Variants in OCIAD1 observed in about 807,000 individuals in gnomAD.
OCIAD1 encodes the protein OCIA domain containing 1.
Under a neutral mutation model 38.9 loss-of-function variants are expected in OCIAD1, and 29 were observed. The observed-to-expected ratio is 0.74, with a 90% CI of 0.55 to 1.02. The LOEUF is 1.02. Ranked by LOEUF, OCIAD1 falls within the 50% of genes least tolerant of loss-of-function variation. OCIAD1 has a pLI of 0.00. For missense variants in OCIAD1, 288 were observed against 289.6 expected (o/e 0.99, Z 0.04); for synonymous variants, 110 against 92.0 (o/e 1.20, Z -1.12).
intron 1 of OCIAD1, among the ~76,000 whole-genome samples, chr4:48,812,433 A>C (rs1292870641): frequency 6.6e-6 from 1 of 151,736 alleles, no homozygotes; most frequent in Non-Finnish European, 1.5e-5. Flanking sequence ...GTCAAAGTGC[A>C]CCCCAAAATT....
intron 1 of OCIAD1, among the ~76,000 whole-genome samples, chr4:48,820,397 A>G (rs1777183434): frequency 6.6e-6 from 1 of 152,220 alleles, no homozygotes. Flanking sequence ...GACACAGCTA[A>G]AGTGGTGTTA....
chr4:48,831,521 G>A lies in OCIAD1; in HGVS notation c.-6+272G>A, dbSNP rs368181672. 2.2e-4 allele frequency: 283 copies of A among 1,290,818 alleles called. 2 individuals are homozygous for A. In the South Asian group the frequency reaches 3.2e-3, roughly 15 times the overall value. The allele number at this position is 1,290,818 out of a possible 1,614,324, so 80.0% of individuals were successfully genotyped here. A position where few individuals can be genotyped will look rare whatever the true frequency, so the allele number is the denominator to read the frequency against. On this transcript the variant is annotated intron_variant, in intron 1 of 8. Coordinates refer to ENST00000264312, the MANE Select transcript of OCIAD1 (RefSeq NM_017830.4). ...GGTGGGAGACGGACACTGGGTGGAGGATGGAGTGCGGTAATCAGCGGTTGT... is the reference window on the plus strand; with the variant it reads ...GGTGGGAGACGGACACTGGGTGGAGAATGGAGTGCGGTAATCAGCGGTTGT...
Position 48,840,190 on chromosome 4 carries a change from C to T in OCIAD1, c.140-2446C>T, listed in dbSNP as rs115566151. On this transcript the variant is annotated intron_variant, in intron 3 of 8. Transcript: ENST00000264312. ...GGCAGAACTAGTACTAGAATCTCCT[C>T]GAACAGACTATTACTCTGCATTAAA... is the stretch of plus-strand genomic sequence containing the variant. Among the ~76,000 whole-genome samples the T allele has an allele frequency of 4.8e-3, 728 of 152,304 alleles. 1 individual carries two copies. The highest frequency in any genetic ancestry group is 7.5e-3 in the Non-Finnish European group (507 of 68,032).
intron 4 of OCIAD1, among the ~76,000 whole-genome samples, chr4:48,847,511 G>T (rs1380469209): frequency 1.3e-5 from 2 of 152,110 alleles, no homozygotes; most frequent in African/African-American, 4.8e-5. Context: ...ATGGTCTCAT[G>T]CTTTCTTCTG....
chr4:48,833,528 C>T, intron 3 of OCIAD1, 47 bp downstream of exon 3: 1 of 1,235,872 alleles, frequency 8.1e-7, no homozygotes, highest in South Asian at 1.3e-5. Flanking sequence ...AAATTTGTAC[C>T]TGAAATTTTG....
chr4:48,855,376 G>T (rs1157349879), intron 7 of OCIAD1, among the ~76,000 whole-genome samples: 1 of 152,048 alleles, frequency 6.6e-6, no homozygotes, highest in Admixed American at 6.6e-5. Context: ...CCCAATATAA[G>T]GTTATAATAT....
intron 1 of OCIAD1, among the ~76,000 whole-genome samples, chr4:48,809,309 G>A (rs1777062077): frequency 1.3e-5 from 2 of 152,130 alleles, no homozygotes; most frequent in African/African-American, 4.8e-5. Flanking sequence ...ATCACCTGAG[G>A]TCAGGAGTTT....
intron 4 of OCIAD1, among the ~76,000 whole-genome samples, chr4:48,844,210 A>G (rs1778783126): frequency 6.6e-6 from 1 of 152,176 alleles, no homozygotes; most frequent in African/African-American, 2.4e-5. Context: ...TGAAGAGACA[A>G]AATCATGCAG....
rs766454975 is a variant in OCIAD1, at chr4:48,851,856, C to G, written c.428C>G (p.Ser143Cys). The change falls in exon 7 of 9, where the codon TCT becomes TGT. Residue 143 changes from serine to cysteine, a missense_variant. Physicochemically the swap from Ser to Cys is moderately radical, Grantham distance 112. Coordinates refer to ENST00000264312, the MANE Select transcript of OCIAD1 (RefSeq NM_017830.4). ...KYDSSVSGQSSFVTSPAADNI... is the reference protein window; with the variant it reads ...KYDSSVSGQSCFVTSPAADNI... ...GACTCAAGTGTGAGTGGTCAATCAT[C>G]TTTTGTGACATCCCCAGCAGCAGAC... 11 of 1,613,502 alleles carry G rather than the reference C, an allele frequency of 6.8e-6. No homozygotes were observed. Among genetic ancestry groups the G allele is most frequent in the African/African-American group, 1.3e-5 (1 of 74,914 alleles).
At chr4:48,853,273 C>T (rs574736545) in intron 7 of OCIAD1, among the ~76,000 whole-genome samples, 1 of 152,144 alleles carries the variant, frequency 6.6e-6, no homozygotes, top group Admixed American at 6.5e-5. Context: ...GTTATATAAA[C>T]GTAGACTTTA....
At chr4:48,831,483 G>T in intron 1 of OCIAD1, 1 of 1,290,382 alleles carries the variant, frequency 7.7e-7, no homozygotes, top group Non-Finnish European at 1.0e-6. Flanking sequence ...TTGCTGCTCA[G>T]TCTGTAACGG....
At chr4:48,845,538 T>C (rs908336081) in intron 4 of OCIAD1, among the ~76,000 whole-genome samples, 4 of 152,194 alleles carry the variant, frequency 2.6e-5, no homozygotes, top group Non-Finnish European at 5.9e-5. Context: ...TACATTGTTA[T>C]ATAGCACTAA....
chr4:48,809,969 G>C (rs868558519), intron 1 of OCIAD1, among the ~76,000 whole-genome samples: 18 of 152,268 alleles, frequency 1.2e-4, no homozygotes, highest in Admixed American at 7.8e-4. Flanking sequence ...TACTAGCTCT[G>C]TGACATTGAG....
intron 1 of OCIAD1, among the ~76,000 whole-genome samples, chr4:48,807,064 G>C (rs890020635): frequency 6.6e-6 from 1 of 152,114 alleles, no homozygotes; most frequent in Non-Finnish European, 1.5e-5. Flanking sequence ...CCACCAACAG[G>C]TGGCTATATT....
At chr4:48,824,506 G>T (rs1166113747) in intron 1 of OCIAD1, among the ~76,000 whole-genome samples, 1 of 151,504 alleles carries the variant, frequency 6.6e-6, no homozygotes, top group Non-Finnish European at 1.5e-5. Flanking sequence ...TCCACCTCCT[G>T]GGTAGCTAGG....
At chr4:48,808,635 T>TCCTCC (rs1206833077) in intron 1 of OCIAD1, among the ~76,000 whole-genome samples, 5 of 152,156 alleles carry the variant, frequency 3.3e-5, no homozygotes, top group Admixed American at 1.3e-4. Flanking sequence ...AACATAGTGT[T>TCCTCC]CCTCCCCTCT....
chr4:48,856,899 G>T (rs563323759), intron 7 of OCIAD1: 1 of 160,130 alleles, frequency 6.2e-6, no homozygotes, highest in East Asian at 1.7e-4. Context: ...TTAAAACACT[G>T]GTATTTTAAT....
In OCIAD1 at chr4:48,850,065, A is replaced by G. The variant is rs771891483; in HGVS notation, c.360A>G (p.Arg120=). The G allele has an allele frequency of 1.2e-6, 2 of 1,611,320 alleles. No individual in the cohort carries two copies. The highest frequency in any genetic ancestry group is 1.3e-5 in the African/African-American group (1 of 74,724). The change falls in exon 6 of 9, where the codon CGA becomes CGG. Residue 120 remains arginine, a synonymous_variant. Coordinates refer to ENST00000264312, the MANE Select transcript of OCIAD1 (RefSeq NM_017830.4). ...AAGCTTTACGATCAGGACAAGCACGACGATCTTCACCACCTGGGTAGGCCA... is the reference window on the plus strand; with the variant it reads ...AAGCTTTACGATCAGGACAAGCACGGCGATCTTCACCACCTGGGTAGGCCA... ...LGEALRSGQA[R]RSSPPGHYYQ... is the part of the protein sequence containing the mutation.
At chr4:48,830,350 G>C (rs1206100676), upstream of OCIAD1, among the ~76,000 whole-genome samples, 1 of 152,302 alleles carries the variant, frequency 6.6e-6, no homozygotes. Context: ...GCTTTGAGGG[G>C]TTGACAAATA....
Sources: gnomAD v4.1 joint callset for allele counts (sites outside exome capture counted in the v4.1 genomes callset) on GRCh38, gnomAD v4.1.1 for gene constraint, MANE v1.5 for transcripts, NCBI Gene and HGNC (gene_info 2026-07-23, HGNC 2026-07-21) for gene names.